Variants in AHDC1 observed in about 807,000 individuals in gnomAD.
AHDC1 encodes transcription factor Gibbin.
In AHDC1, 7 loss-of-function variants were observed where a neutral mutation model predicts 87.9. That is an observed-to-expected ratio of 0.08 (90% confidence interval 0.05 to 0.15). The LOEUF (loss-of-function observed/expected upper bound fraction) is 0.15, where lower values mean the gene tolerates loss of function less well. Among genes scored for constraint, AHDC1 ranks in the 10% least tolerant of loss-of-function variants. The pLI, the probability that AHDC1 is intolerant of heterozygous loss-of-function variation, is 1.00. For missense variants in AHDC1, 1,841 were observed against 2,253.2 expected (o/e 0.82, Z 3.70); for synonymous variants, 1,051 against 1,006.8 (o/e 1.04, Z -0.83).
In AHDC1 at chr1:27,561,028, C is replaced by G. The variant is rs1031547814; in HGVS notation, c.-628-2145G>C. ...GCCTGGATTAGGGACAATTTATCCA[C>G]AGGCAGAGAAGGAGAATTCCAACCT... is the stretch of plus-strand genomic sequence containing the variant. On this transcript the variant is annotated intron_variant, in intron 3 of 8. Coordinates refer to ENST00000673934, the MANE Select transcript of AHDC1 (RefSeq NM_001371928.1). This position sits in a 1 kb window ranked among gnomAD's most constrained non-coding sequence, Gnocchi z 4.2. 1.2e-4 allele frequency among the ~76,000 whole-genome samples: 18 copies of G among 152,280 alleles called. No homozygotes were observed. The highest frequency in any genetic ancestry group is 1.2e-3 in the Admixed American group (18 of 15,306).
rs1215686794 is a variant in AHDC1, at chr1:27,598,925, T to C, written c.-629+4472A>G. On this transcript the variant is annotated intron_variant, in intron 3 of 8. Coordinates refer to ENST00000673934, the MANE Select transcript of AHDC1 (RefSeq NM_001371928.1). This position sits in a 1 kb window ranked among gnomAD's most constrained non-coding sequence, Gnocchi z 4.2. The stretch of plus-strand genomic sequence containing the variant: ...GCCAGCAGCTTCAGACAGCATCCCT[T>C]AACATTCTCCCTGGCTACTCTGTCC... Among the ~76,000 whole-genome samples the C allele has an allele frequency of 2.0e-5, 3 of 152,078 alleles. No homozygotes were observed. Among genetic ancestry groups the C allele is most frequent in the African/African-American group, 7.2e-5 (3 of 41,392 alleles).
chr1:27,538,754 A>C (rs146659634), intron 8 of AHDC1, among the ~76,000 whole-genome samples: 23 of 152,256 alleles, frequency 1.5e-4, no homozygotes, highest in Non-Finnish European at 2.9e-4. Context: ...AACTCAAGCA[A>C]ACCACCTGCC....
chr1:27,546,470 G>A (rs1212404646), intron 8 of AHDC1, among the ~76,000 whole-genome samples: 2 of 152,190 alleles, frequency 1.3e-5, no homozygotes, highest in Admixed American at 1.3e-4. Flanking sequence ...TTGGCTTCAG[G>A]AAAGGGACTG....
chr1:27,596,550 A>G (rs1456319161), intron 3 of AHDC1, among the ~76,000 whole-genome samples: 2 of 151,928 alleles, frequency 1.3e-5, no homozygotes, highest in East Asian at 1.9e-4. Context: ...CTGTTCAGGT[A>G]GCACTCAGGC....
chr1:27,540,403 A>C (rs2018849744), intron 8 of AHDC1, among the ~76,000 whole-genome samples: 1 of 151,190 alleles, frequency 6.6e-6, no homozygotes, highest in Non-Finnish European at 1.5e-5. Flanking sequence ...AAGTTAAAAA[A>C]AAAAAAACAA....
rs534116388 is a variant in AHDC1 at position 27,574,533 on chromosome 1, G to A, written c.-628-15650C>T. ...AAAAGGACTTGTTCAAGGTCACACA[G>A]CCAGCGAGTGGCAACTGTGGCATAG... On this transcript the variant is annotated intron_variant, in intron 3 of 8. Transcript: ENST00000673934. Among the ~76,000 whole-genome samples, 4 of 152,334 alleles carry A rather than the reference G, an allele frequency of 2.6e-5. 1 individual carries two copies. The highest frequency in any genetic ancestry group is 9.6e-5 in the African/African-American group (4 of 41,568).
rs888382588 is a variant in AHDC1, at chr1:27,561,546, G to A, written c.-628-2663C>T. Among the ~76,000 whole-genome samples, 1 of 152,124 alleles carries A rather than the reference G, an allele frequency of 6.6e-6. No individual in the cohort carries two copies. The highest frequency in any genetic ancestry group is 1.5e-5 in the Non-Finnish European group (1 of 68,020). ...GTGCAGGGGCTGGGCTGGGACTAAGGCTCCCTTCACGGTGCTCCAGGCGCA... is the reference window on the plus strand; with the variant it reads ...GTGCAGGGGCTGGGCTGGGACTAAGACTCCCTTCACGGTGCTCCAGGCGCA... On this transcript the variant is annotated intron_variant, in intron 3 of 8. Coordinates refer to ENST00000673934, the MANE Select transcript of AHDC1 (RefSeq NM_001371928.1). The surrounding 1 kb of genome is among the most constrained non-coding windows in gnomAD (Gnocchi z 4.2).
Position 27,549,414 on chromosome 1 carries a change from C to T in AHDC1, c.2702G>A (p.Gly901Asp). 1 of 1,612,956 alleles carries T rather than the reference C, an allele frequency of 6.2e-7. No homozygotes were observed. Among genetic ancestry groups the T allele is most frequent in the South Asian group, 1.1e-5 (1 of 91,066 alleles). Residue 901 changes from glycine (G) to aspartate (D), a missense_variant, in exon 8 of 9, where the codon GGT (glycine) becomes GAT (aspartate). Gly to Asp is a moderately conservative substitution (Grantham distance 94). Around this residue, in one of 13 missense-constraint regions of AHDC1, gnomAD observed 378 missense variants for 399.0 expected, o/e 0.95. Transcript: ENST00000673934. ...RGAKASPVAV[G>D]SSGAGADPSF... ...GGGGTCCGCCCCAGCCCCGCTGCTA[C>T]CCACTGCCACTGGGCTGGCCTTGGC...
chr1:27,601,632 C>T (rs924441761), intron 3 of AHDC1, among the ~76,000 whole-genome samples: 3 of 152,232 alleles, frequency 2.0e-5, no homozygotes, highest in South Asian at 2.1e-4. Flanking sequence ...AATAAATATA[C>T]ATCTGCTCAA....
chr1:27,550,085 G>C lies in AHDC1; in HGVS notation c.2031C>G (p.Gly677=). 1 of 1,608,974 alleles carries C rather than the reference G, an allele frequency of 6.2e-7. No homozygotes were observed. The highest frequency in any genetic ancestry group is 2.2e-5 in the East Asian group (1 of 44,788). ...RRGGKAGGFG[G]RGGGHAAKSA... is the part of the protein sequence containing the mutation. ...ACTTGGCCGCATGGCCCCCACCCCG[G>C]CCACCAAAACCGCCTGCTTTGCCCC... The change falls in exon 8 of 9, where the codon GGC becomes GGG. Residue 677 remains glycine, a synonymous_variant. Coordinates refer to ENST00000673934, the MANE Select transcript of AHDC1 (RefSeq NM_001371928.1).
rs2089332527 is a variant in AHDC1 at position 27,595,114 on chromosome 1, C to G, written c.-629+8283G>C. Among the ~76,000 whole-genome samples the G allele has an allele frequency of 6.6e-6, 1 of 152,076 alleles. No individual in the cohort carries two copies. ...CGGGGCCTGATCTGTTAGAGATATACTAGAACCGAAGCCATGTCTGTGTGT... is the reference window on the plus strand; with the variant it reads ...CGGGGCCTGATCTGTTAGAGATATAGTAGAACCGAAGCCATGTCTGTGTGT... On this transcript the variant is annotated intron_variant, in intron 3 of 8. Transcript: ENST00000673934. This position sits in a 1 kb window ranked among gnomAD's most constrained non-coding sequence, Gnocchi z 4.0.
At chr1:27,538,221 G>C (rs1168476076) in intron 8 of AHDC1, among the ~76,000 whole-genome samples, 1 of 151,756 alleles carries the variant, frequency 6.6e-6, no homozygotes. Flanking sequence ...GGCCAACATG[G>C]AGAAACCCCG....
chr1:27,576,986 A>T (rs2088772832), intron 3 of AHDC1, among the ~76,000 whole-genome samples: 1 of 152,152 alleles, frequency 6.6e-6, no homozygotes, highest in South Asian at 2.1e-4. Flanking sequence ...CACCGTCATG[A>T]CATGAACACA....
chr1:27,569,561 A>C (rs1307580786), intron 3 of AHDC1, among the ~76,000 whole-genome samples: 1 of 152,150 alleles, frequency 6.6e-6, no homozygotes, highest in Non-Finnish European at 1.5e-5. Context: ...CCTCGCTGTC[A>C]CAGTCTAGTA....
rs535840662 is a variant in AHDC1, at chr1:27,580,396, C to T, written c.-628-21513G>A. ...TCCAACTACCTGATGCGTCGTCTCTCCTCAGAGCTGAGCTGGCACCACTAC... is the reference window on the plus strand; with the variant it reads ...TCCAACTACCTGATGCGTCGTCTCTTCTCAGAGCTGAGCTGGCACCACTAC... On this transcript the variant is annotated intron_variant, in intron 3 of 8. Coordinates refer to ENST00000673934, the MANE Select transcript of AHDC1 (RefSeq NM_001371928.1). 3.3e-5 allele frequency among the ~76,000 whole-genome samples: 5 copies of T among 152,336 alleles called. No individual in the cohort carries two copies. In the South Asian group the frequency reaches 8.3e-4, roughly 25 times the overall value.
chr1:27,580,324 C>T (rs934525873), intron 3 of AHDC1, among the ~76,000 whole-genome samples: 2 of 152,196 alleles, frequency 1.3e-5, no homozygotes, highest in African/African-American at 4.8e-5. Flanking sequence ...CCTCTGGAAG[C>T]CAGGCCAGGG....
Position 27,563,344 on chromosome 1 carries a change from GACACAC to G in AHDC1, c.-628-4467_-628-4462del, listed in dbSNP as rs58219407. On this transcript the variant is annotated intron_variant, in intron 3 of 8. Transcript: ENST00000673934. The surrounding 1 kb of genome is among the most constrained non-coding windows in gnomAD (Gnocchi z 6.1). ...CAGAACCTGTCACACAGCTGACCAAGACACACACACACACACACACACACGTGGGAC... is the reference window on the plus strand; with the variant it reads ...CAGAACCTGTCACACAGCTGACCAAGACACACACACACACACACGTGGGAC... Among the ~76,000 whole-genome samples, 7 of 148,080 alleles carry G rather than the reference GACACAC, an allele frequency of 4.7e-5. No individual in the cohort carries two copies. Among genetic ancestry groups the G allele is most frequent in the Admixed American group, 1.3e-4 (2 of 14,918 alleles).
chr1:27,551,991 C>A lies in AHDC1; in HGVS notation c.125G>T (p.Arg42Leu). 1 of 374,614 alleles carries A rather than the reference C, an allele frequency of 2.7e-6. No individual in the cohort carries two copies. 23.2% of individuals were successfully genotyped at this position (374,614 alleles called of 1,614,324 possible). ...PPTPRPLLPT[R>L]PPASPPDKAF... Reference sequence around the variant, plus strand: ...CTTGTCAGGTGGGCTGGCAGGGGGCCGGGTGGGAAGCAGGGGCCGGGGGGT... The same window carrying A: ...CTTGTCAGGTGGGCTGGCAGGGGGCAGGGTGGGAAGCAGGGGCCGGGGGGT... The change falls in exon 8 of 9, where the codon CGG becomes CTG. Residue 42 changes from arginine to leucine, a missense_variant. Physicochemically the swap from Arg to Leu is moderately radical, Grantham distance 102. Coordinates refer to ENST00000673934, the MANE Select transcript of AHDC1 (RefSeq NM_001371928.1).
chr1:27,561,254 C>T lies in AHDC1; in HGVS notation c.-628-2371G>A, dbSNP rs542885387. On this transcript the variant is annotated intron_variant, in intron 3 of 8. Transcript: ENST00000673934. This position sits in a 1 kb window ranked among gnomAD's most constrained non-coding sequence, Gnocchi z 4.2. Reference sequence around the variant, plus strand: ...AGATTGGCTGCCCCCCATTCAGGCCCCCACAGCTCGGCTCATCTTGGCCCT... The same window carrying T: ...AGATTGGCTGCCCCCCATTCAGGCCTCCACAGCTCGGCTCATCTTGGCCCT... Among the ~76,000 whole-genome samples, 2 of 152,196 alleles carry T rather than the reference C, an allele frequency of 1.3e-5. No individual in the cohort carries two copies. The highest frequency in any genetic ancestry group is 2.9e-5 in the Non-Finnish European group (2 of 68,040).
Sources: allele counts gnomAD v4.1 joint callset (sites outside exome capture counted in the v4.1 genomes callset), GRCh38; gene constraint gnomAD v4.1.1; regional missense constraint gnomAD v4.1.1; non-coding constraint Gnocchi (gnomAD v3.1); transcripts MANE v1.5; gene names NCBI Gene and HGNC (gene_info 2026-07-23, HGNC 2026-07-21).